CFAP43: variants seen among roughly 807,000 people sequenced by gnomAD.
CFAP43 encodes cilia and flagella associated protein 43, also known as cilia- and flagella-associated protein 43.
Under a neutral mutation model 218.9 loss-of-function variants are expected in CFAP43, and 155 were observed. The observed-to-expected ratio is 0.71, with a 90% CI of 0.62 to 0.81. CFAP43 has a LOEUF of 0.81. Among genes scored for constraint, CFAP43 ranks in the 30% least tolerant of loss-of-function variants. The pLI, the probability that CFAP43 is intolerant of heterozygous loss-of-function variation, is 0.00. For missense variants in CFAP43, 1,778 were observed against 1,954.3 expected (o/e 0.91, Z 1.70); for synonymous variants, 645 against 681.3 (o/e 0.95, Z 0.83).
At position 104,197,935 on chromosome 10, in the gene CFAP43, G is replaced by A. The variant is rs138274272; in HGVS notation, c.1199C>T (p.Thr400Ile). ...FQAIDFITPG[T>I]QYFMTLTYSG... ...AATATTCTTTACCATGAAGTATTGG[G>A]TTCCAGGTGTGATAAAGTCAATTGC... The change falls in exon 9 of 38, where the codon ACC becomes ATC. Residue 400 changes from threonine to isoleucine, a missense_variant. This residue lies in a region of CFAP43 where 1,553 missense variants were observed against 1,685.2 expected (regional missense o/e 0.92). Coordinates refer to ENST00000357060, the MANE Select transcript of CFAP43 (RefSeq NM_025145.7). 706 of 1,606,548 alleles carry A rather than the reference G, an allele frequency of 4.4e-4. 6 individuals carry two copies. The Middle Eastern group carries it at 0.015, about 33-fold the overall frequency.
At chr10:104,150,016 T>C (rs1046816882) in intron 28 of CFAP43, among the ~76,000 whole-genome samples, 3 of 152,346 alleles carry the variant, frequency 2.0e-5, no homozygotes, top group East Asian at 3.9e-4. Context: ...AGAAACTATA[T>C]GATTCCACAA....
intron 27 of CFAP43, among the ~76,000 whole-genome samples, chr10:104,158,119 T>C (rs1474768181): frequency 6.6e-6 from 1 of 152,148 alleles, no homozygotes; most frequent in African/African-American, 2.4e-5. Context: ...AAGCTCTTCT[T>C]TGCAGAAGAA....
rs146541060 is a variant in CFAP43, at chr10:104,179,526, C to T, written c.2382+314G>A. 5.3e-5 allele frequency among the ~76,000 whole-genome samples: 8 copies of T among 152,312 alleles called. No individual in the cohort carries two copies. In the South Asian group the frequency reaches 6.2e-4, roughly 12 times the overall value. ...TCCTGGTCCACAGGACAGAGGAAGA[C>T]AAGCATCCCCTAAAACTCACTCCAC... On this transcript the variant is annotated intron_variant, in intron 18 of 37. Transcript: ENST00000357060.
At position 104,187,171 on chromosome 10, in the gene CFAP43, T is replaced by C. The variant is rs1203696218; in HGVS notation, c.1860+149A>G. The C allele has an allele frequency of 5.5e-6, 3 of 547,478 alleles. No homozygotes were observed. The African/African-American group carries it at 5.9e-5, about 11-fold the overall frequency. The allele number at this position is 547,478 out of a possible 1,614,324, so 33.9% of individuals were successfully genotyped here. On this transcript the variant is annotated intron_variant, in intron 14 of 37. Coordinates refer to ENST00000357060, the MANE Select transcript of CFAP43 (RefSeq NM_025145.7). ...ATGGATTAACAAATAACACTATATA[T>C]CTAGCTCAAGGGAATTATATTAATA...
chr10:104,156,058 A>AG (rs2088526807), intron 27 of CFAP43, among the ~76,000 whole-genome samples: 1 of 152,180 alleles, frequency 6.6e-6, no homozygotes, highest in African/African-American at 2.4e-5. Context: ...AAAAGGGCAG[A>AG]GGTGTGGTCT....
intron 5 of CFAP43, among the ~76,000 whole-genome samples, chr10:104,211,431 G>T (rs917850911): frequency 8.5e-5 from 13 of 152,144 alleles, no homozygotes; most frequent in Admixed American, 2.0e-4. Context: ...GAATGAATGG[G>T]TGTGTAACAC....
chr10:104,163,128 G>C (rs1427131930), intron 24 of CFAP43, among the ~76,000 whole-genome samples: 2 of 152,190 alleles, frequency 1.3e-5, no homozygotes, highest in African/African-American at 4.8e-5. Context: ...CAGGTTAAGA[G>C]GATGAACTCT....
intron 3 of CFAP43, among the ~76,000 whole-genome samples, chr10:104,223,863 T>G (rs11191955): frequency 0.13 from 19,224 of 152,144 alleles, 1,331 homozygotes; most frequent in South Asian, 0.21. Context: ...TGCAGCAACA[T>G]AAGATAATTT....
intron 20 of CFAP43, among the ~76,000 whole-genome samples, chr10:104,171,636 C>A (rs1234780665): frequency 1.3e-5 from 2 of 152,172 alleles, no homozygotes; most frequent in African/African-American, 4.8e-5. Context: ...CCTGTACTAG[C>A]AGGTTGAGAA....
intron 3 of CFAP43, among the ~76,000 whole-genome samples, chr10:104,217,949 G>A (rs895071511): frequency 3.3e-5 from 5 of 152,178 alleles, no homozygotes; most frequent in Admixed American, 6.5e-5. Flanking sequence ...AAGCATGTTC[G>A]AGTTTCTAAA....
intron 27 of CFAP43, among the ~76,000 whole-genome samples, chr10:104,153,157 A>G (rs985473448): frequency 2.0e-5 from 3 of 152,208 alleles, no homozygotes; most frequent in Non-Finnish European, 4.4e-5. Context: ...GTGAATGCAC[A>G]TATATGTATA....
chr10:104,155,509 C>G (rs2088495935), intron 27 of CFAP43, among the ~76,000 whole-genome samples: 1 of 152,100 alleles, frequency 6.6e-6, no homozygotes, highest in African/African-American at 2.4e-5. Flanking sequence ...ATATAACCGT[C>G]TTCACTCCAC....
chr10:104,192,447 G>A (rs1200595741), intron 11 of CFAP43, 145 bp from the exon 12 acceptor site: 1 of 658,434 alleles, frequency 1.5e-6, no homozygotes, highest in East Asian at 2.8e-5. Context: ...CCTTATTAAA[G>A]TGGAGTGATT....
At position 104,187,363 on chromosome 10, in the gene CFAP43, C is replaced by T. The variant is rs369444997; in HGVS notation, c.1817G>A (p.Cys606Tyr). The change falls in exon 14 of 38, where the codon TGT becomes TAT. Residue 606 changes from cysteine to tyrosine, a missense_variant. Physicochemically the swap from Cys to Tyr is radical, Grantham distance 194. Transcript: ENST00000357060. ...GFQSNQIYGF[C>Y]SQVPYICSYL... ...GCTACAGATGTATGGCACTTGACTA[C>T]AGAAGCCATATATTTGGTTACTTTG... 3 of 1,611,184 alleles carry T rather than the reference C, an allele frequency of 1.9e-6. No homozygotes were observed. Among genetic ancestry groups the T allele is most frequent in the Non-Finnish European group, 2.5e-6 (3 of 1,179,180 alleles).
At chr10:104,201,262 A>C (rs1461598708) in intron 8 of CFAP43, among the ~76,000 whole-genome samples, 1 of 152,138 alleles carries the variant, frequency 6.6e-6, no homozygotes, top group Non-Finnish European at 1.5e-5. Context: ...TAATTTGTCT[A>C]ATGTTAATAT....
chr10:104,225,632 T>C, intron 2 of CFAP43, 75 bp from the exon 3 acceptor site: 1 of 1,211,414 alleles, frequency 8.3e-7, no homozygotes. Context: ...TTACAGTTTA[T>C]TTTCCTTTGC....
chr10:104,174,863 G>C (rs1293671448), intron 19 of CFAP43, among the ~76,000 whole-genome samples: 1 of 148,554 alleles, frequency 6.7e-6, no homozygotes, highest in Non-Finnish European at 1.5e-5. Flanking sequence ...AGACCATCCT[G>C]GCTAACACCG....
At chr10:104,195,155 A>G (rs1332687746) in intron 10 of CFAP43, among the ~76,000 whole-genome samples, 1 of 152,190 alleles carries the variant, frequency 6.6e-6, no homozygotes, top group Non-Finnish European at 1.5e-5. Flanking sequence ...GTGCTGCTGG[A>G]CTGGGATCCC....
At chr10:104,193,796 G>T (rs1358271040) in intron 11 of CFAP43, 70 bp downstream of exon 11, 3 of 1,525,918 alleles carry the variant, frequency 2.0e-6, no homozygotes, top group Non-Finnish European at 2.6e-6. Context: ...TAAAAGAAAG[G>T]ATGGCTTCAC....
Sources: allele counts gnomAD v4.1 joint callset (sites outside exome capture counted in the v4.1 genomes callset), GRCh38; gene constraint gnomAD v4.1.1; regional missense constraint gnomAD v4.1.1; transcripts MANE v1.5; gene names NCBI Gene and HGNC (gene_info 2026-07-23, HGNC 2026-07-21).